The following IPP variants were observed in gnomAD, a reference collection of about 807,000 sequenced individuals.
IPP encodes the protein actin-binding protein IPP.
In IPP, 41 loss-of-function variants were observed where a neutral mutation model predicts 64.1. That is an observed-to-expected ratio of 0.64 (90% CI 0.50 to 0.83). IPP has a LOEUF of 0.83. IPP is among the 40% of genes least tolerant of loss of function. IPP has a pLI of 0.00. For synonymous variants in IPP, 214 were observed against 235.2 expected, an observed-to-expected ratio of 0.91 and a Z score of 0.83; for missense variants, 649 against 703.0, an observed-to-expected ratio of 0.92 and a Z score of 0.87.
chr1:45,715,552 A>C (rs541716033), intron 7 of IPP, among the ~76,000 whole-genome samples: 2 of 151,432 alleles, frequency 1.3e-5, no homozygotes, highest in Admixed American at 1.3e-4. Context: ...GAGGCAGGAG[A>C]ATGGTGTGAA....
At chr1:45,741,488 A>G (rs1238993983) in intron 2 of IPP, among the ~76,000 whole-genome samples, 156 bp from the exon 3 acceptor site, 1 of 152,218 alleles carries the variant, frequency 6.6e-6, no homozygotes, top group Non-Finnish European at 1.5e-5. Flanking sequence ...AAAGAGCACA[A>G]AATTTAAACG....
At chr1:45,746,899 A>T (rs1247687833) in intron 1 of IPP, among the ~76,000 whole-genome samples, 1 of 152,174 alleles carries the variant, frequency 6.6e-6, no homozygotes, top group East Asian at 1.9e-4. Flanking sequence ...TAGCACACAA[A>T]GCCCTTCGGG....
chr1:45,750,188 G>C (rs1646202632), intron 1 of IPP, among the ~76,000 whole-genome samples: 1 of 152,234 alleles, frequency 6.6e-6, no homozygotes, highest in South Asian at 2.1e-4. Flanking sequence ...AGAATCCCCG[G>C]AACAAGTGTC....
At chr1:45,740,818 A>G (rs1206426289) in intron 3 of IPP, 83 bp downstream of exon 3, 28 of 914,958 alleles carry the variant, frequency 3.1e-5, no homozygotes, top group Non-Finnish European at 4.1e-5. Flanking sequence ...ACTGAACCAA[A>G]AAATGAAAAC....
At chr1:45,726,286 C>T (rs1440917412) in intron 5 of IPP, among the ~76,000 whole-genome samples, 2 of 151,868 alleles carry the variant, frequency 1.3e-5, no homozygotes. Context: ...TGAAGAAACC[C>T]TGTCTCTACT....
chr1:45,736,230 T>C (rs894749436), intron 3 of IPP, among the ~76,000 whole-genome samples: 5 of 152,170 alleles, frequency 3.3e-5, no homozygotes, highest in African/African-American at 1.2e-4. Flanking sequence ...AGTGTTGGAA[T>C]TACAGTTGTG....
downstream of IPP, chr1:45,697,360 C>A (rs1023182403): frequency 6.6e-6 from 1 of 152,170 alleles, no homozygotes; most frequent in East Asian, 1.9e-4. Context: ...AAGTGATTCT[C>A]CTGCCTCAGC....
chr1:45,705,895 G>A (rs938694842), intron 8 of IPP, among the ~76,000 whole-genome samples: 4 of 152,076 alleles, frequency 2.6e-5, no homozygotes, highest in African/African-American at 7.2e-5. Context: ...ATGAAACAAA[G>A]TAAACACAGC....
intron 3 of IPP, among the ~76,000 whole-genome samples, chr1:45,736,821 A>C (rs28482928): frequency 1 from 151,415 of 151,858 alleles, 75,491 homozygotes; most frequent in Middle Eastern, 1. Context: ...GGGTGGATCA[A>C]GAGGTCAGGA....
chr1:45,724,109 G>C (rs1008582879), intron 5 of IPP, among the ~76,000 whole-genome samples: 6 of 151,256 alleles, frequency 4.0e-5, no homozygotes, highest in African/African-American at 1.2e-4. Flanking sequence ...AGCCTGCCGA[G>C]CGCCTGCAAT....
chr1:45,711,834 A>C (rs1645595069), intron 8 of IPP, among the ~76,000 whole-genome samples: 1 of 152,236 alleles, frequency 6.6e-6, no homozygotes, highest in Non-Finnish European at 1.5e-5. Flanking sequence ...TTAAGAAGAC[A>C]TAATAAACTT....
chr1:45,742,235 G>A (rs1646076178), intron 2 of IPP, among the ~76,000 whole-genome samples: 1 of 152,070 alleles, frequency 6.6e-6, no homozygotes, highest in Admixed American at 6.6e-5. Flanking sequence ...AGGGTAGGAG[G>A]AGGGTAAAGA....
At chr1:45,713,538 C>T (rs1384192145) in intron 8 of IPP, among the ~76,000 whole-genome samples, 15 of 145,372 alleles carry the variant, frequency 1.0e-4, no homozygotes, top group Non-Finnish European at 7.5e-5. Flanking sequence ...CCAGCTTGGG[C>T]AACAAAAGAA....
intron 1 of IPP, among the ~76,000 whole-genome samples, chr1:45,749,811 C>T (rs1327769348): frequency 6.6e-6 from 1 of 151,958 alleles, no homozygotes; most frequent in Non-Finnish European, 1.5e-5. Flanking sequence ...TGAGCCACCG[C>T]GCCCGGCCAG....
At chr1:45,750,192 A>G (rs1277006311) in intron 1 of IPP, among the ~76,000 whole-genome samples, 1 of 152,242 alleles carries the variant, frequency 6.6e-6, no homozygotes, top group East Asian at 1.9e-4. Flanking sequence ...TCCCCGGAAC[A>G]AGTGTCAAAA....
At chr1:45,705,676 C>T (rs980656293) in intron 8 of IPP, among the ~76,000 whole-genome samples, 8 of 151,934 alleles carry the variant, frequency 5.3e-5, no homozygotes, top group African/African-American at 1.7e-4. Flanking sequence ...CGTGGTGGTG[C>T]GCACCTGTAA....
intron 3 of IPP, among the ~76,000 whole-genome samples, chr1:45,735,095 T>G (rs796204492): frequency 6.6e-5 from 10 of 151,578 alleles, no homozygotes; most frequent in African/African-American, 2.4e-4. Context: ...TTATTTGCTT[T>G]TATTTTGAGA....
chr1:45,709,638 A>T (rs1645563879), intron 8 of IPP, among the ~76,000 whole-genome samples: 1 of 147,900 alleles, frequency 6.8e-6, no homozygotes, highest in Non-Finnish European at 1.5e-5. Flanking sequence ...AGGTCAGGAG[A>T]TCATGATGGA....
chr1:45,724,803 T>C (rs1645788532), intron 5 of IPP, among the ~76,000 whole-genome samples: 1 of 145,140 alleles, frequency 6.9e-6, no homozygotes, highest in Non-Finnish European at 1.5e-5. Context: ...TTCTGAGAAG[T>C]GAGGAGCCCC....
Sources: gnomAD v4.1 joint callset for allele counts (sites outside exome capture counted in the v4.1 genomes callset) on GRCh38, gnomAD v4.1.1 for gene constraint, MANE v1.5 for transcripts, NCBI Gene and HGNC (gene_info 2026-07-23, HGNC 2026-07-21) for gene names.